The following TTI1 variants were observed in gnomAD, a reference collection of about 807,000 sequenced individuals.
TTI1 encodes TELO2 interacting protein 1.
A neutral mutation model predicts 85.4 loss-of-function variants in TTI1; 52 were observed. The observed-to-expected ratio is 0.61, with a 90% CI of 0.49 to 0.77. The LOEUF (loss-of-function observed/expected upper bound fraction) is 0.77, where lower values mean the gene tolerates loss of function less well. Among genes scored for constraint, TTI1 ranks in the 30% least tolerant of loss-of-function variants. The pLI is 0.00. For synonymous variants in TTI1, 512 were observed against 503.9 expected, an observed-to-expected ratio of 1.02 and a Z score of -0.22; for missense variants, 1,173 against 1,296.0, an observed-to-expected ratio of 0.91 and a Z score of 1.46.
At chr20:37,987,539 GCA>G (rs2073208013) in intron 7 of TTI1, 2 of 365,068 alleles carry the variant, frequency 5.5e-6, no homozygotes, top group African/African-American at 2.1e-5. Flanking sequence ...GCTCCAGAGA[GCA>G]CAGTTATCAA....
intron 1 of TTI1, among the ~76,000 whole-genome samples, chr20:38,021,066 A>C (rs1022088525): frequency 2.6e-5 from 4 of 152,226 alleles, no homozygotes; most frequent in Non-Finnish European, 5.9e-5. Context: ...TACTATACAC[A>C]ATCACCCTAA....
intron 7 of TTI1, among the ~76,000 whole-genome samples, chr20:37,989,873 CCTT>C (rs1348171362): frequency 6.6e-6 from 1 of 152,230 alleles, no homozygotes; most frequent in African/African-American, 2.4e-5. Flanking sequence ...TAGGAAATGT[CCTT>C]CTGTATTTAC....
Position 38,012,224 on chromosome 20 carries a change from T to C in TTI1, c.1593A>G (p.Thr531=). ...QAAMILNELV[T]GAAGLEVEDL... is the part of the protein sequence containing the mutation. ...CCTCAACCTCCAGCCCAGCAGCCCC[T>C]GTAACCAGTTCATTAAGGATCATGG... The change falls in exon 2 of 8, where the codon ACA becomes ACG. Residue 531 remains threonine (T), a synonymous_variant. Coordinates refer to ENST00000373447, the MANE Select transcript of TTI1 (RefSeq NM_001303457.2). 6.2e-7 allele frequency: 1 copy of C among 1,614,210 alleles called. No individual in the cohort carries two copies. Among genetic ancestry groups the C allele is most frequent in the South Asian group, 1.1e-5 (1 of 91,084 alleles).
At chr20:37,993,980 C>T (rs781310044) in intron 7 of TTI1, among the ~76,000 whole-genome samples, 16 of 152,000 alleles carry the variant, frequency 1.1e-4, no homozygotes, top group Non-Finnish European at 2.2e-4. Context: ...TTGGAGGTGT[C>T]GTTTTGAGAG....
At chr20:37,987,891 T>G (rs1427076036) in intron 7 of TTI1, among the ~76,000 whole-genome samples, 1 of 152,212 alleles carries the variant, frequency 6.6e-6, no homozygotes, top group African/African-American at 2.4e-5. Flanking sequence ...AAGTGGCTCC[T>G]TCCTTCGTGA....
chr20:37,989,707 T>C (rs75627825), intron 7 of TTI1, among the ~76,000 whole-genome samples: 4,756 of 152,332 alleles, frequency 0.031, 236 homozygotes, highest in African/African-American at 0.11. Context: ...CATTGTTTCC[T>C]GCCCCTCCCT....
chr20:38,010,493 C>CA (rs1266346822), intron 2 of TTI1, among the ~76,000 whole-genome samples: 26 of 106,724 alleles, frequency 2.4e-4, no homozygotes, highest in African/African-American at 9.5e-4. Flanking sequence ...TTTTTTGAGA[C>CA]AGAGTCTCAC....
intron 1 of TTI1, among the ~76,000 whole-genome samples, chr20:38,022,945 A>C (rs1288256899): frequency 6.6e-6 from 1 of 152,202 alleles, no homozygotes; most frequent in Non-Finnish European, 1.5e-5. Flanking sequence ...AATATAAAAT[A>C]AACTTATGGA....
At chr20:37,992,759 T>C (rs1301626336) in intron 7 of TTI1, among the ~76,000 whole-genome samples, 1 of 152,160 alleles carries the variant, frequency 6.6e-6, no homozygotes, top group Non-Finnish European at 1.5e-5. Context: ...AGTACATGTA[T>C]GGACTTGAAG....
At chr20:38,021,096 C>T (rs1282134697) in intron 1 of TTI1, among the ~76,000 whole-genome samples, 1 of 152,162 alleles carries the variant, frequency 6.6e-6, no homozygotes, top group African/African-American at 2.4e-5. Context: ...TACCTCAATG[C>T]CTATCTGTAG....
chr20:37,992,749 A>T (rs979401883), intron 7 of TTI1, among the ~76,000 whole-genome samples: 3 of 152,218 alleles, frequency 2.0e-5, no homozygotes, highest in African/African-American at 7.2e-5. Flanking sequence ...AACTAGGCTA[A>T]GTACATGTAT....
chr20:38,011,806 C>T lies in TTI1; in HGVS notation c.2011G>A (p.Ala671Thr), dbSNP rs754058600. 1.2e-6 allele frequency: 2 copies of T among 1,614,094 alleles called. No individual in the cohort carries two copies. Among genetic ancestry groups the T allele is most frequent in the Non-Finnish European group, 1.7e-6 (2 of 1,180,044 alleles). ...CAAACGTCCATCATGGTGCTGGTAG[C>T]CACCTGACTAATGAGTAGGGTTTGG... ...GDQTLLISQV[A>T]TSTMMDVCRA... The change falls in exon 2 of 8, where the codon GCT (alanine) becomes ACT (threonine). Residue 671 changes from alanine (A) to threonine (T), a missense_variant. Physicochemically the swap from Ala to Thr is moderately conservative, Grantham distance 58 (BLOSUM62 0). Transcript: ENST00000373447.
At chr20:38,017,228 T>C (rs1281354997) in intron 1 of TTI1, among the ~76,000 whole-genome samples, 3 of 152,206 alleles carry the variant, frequency 2.0e-5, no homozygotes, top group Non-Finnish European at 4.4e-5. Flanking sequence ...CTGTACAGAT[T>C]CTGCTTCCAA....
chr20:38,020,323 A>AAAAAAAAAAATATATATAT, intron 1 of TTI1, among the ~76,000 whole-genome samples: 3 of 50,386 alleles, frequency 6.0e-5, no homozygotes, highest in African/African-American at 2.7e-4. Flanking sequence ...AAAAAAAAAA[A>AAAAAAAAAAATATATATAT]ATATATATAT....
intron 2 of TTI1, among the ~76,000 whole-genome samples, chr20:38,008,786 C>T (rs759359158): frequency 6.6e-6 from 1 of 152,224 alleles, no homozygotes; most frequent in Non-Finnish European, 1.5e-5. Flanking sequence ...AAAGGTACTA[C>T]TCTGATTTAT....
At chr20:38,002,880 A>T in intron 3 of TTI1, 104 bp from the exon 4 acceptor site, 2 of 1,498,220 alleles carry the variant, frequency 1.3e-6, no homozygotes, top group Admixed American at 1.8e-5. Flanking sequence ...ATTTGGTTAC[A>T]GCAGCACAAA....
At chr20:37,991,873 G>A (rs146368828) in intron 7 of TTI1, among the ~76,000 whole-genome samples, 3 of 152,238 alleles carry the variant, frequency 2.0e-5, no homozygotes, top group African/African-American at 7.2e-5. Flanking sequence ...ACATACTAAC[G>A]TGATTCATCC....
chr20:38,032,565 C>A (rs1403870243), intron 1 of TTI1, among the ~76,000 whole-genome samples: 1 of 152,118 alleles, frequency 6.6e-6, no homozygotes, highest in Non-Finnish European at 1.5e-5. Context: ...AAAATAGGGT[C>A]AAGGTTTAGA....
chr20:37,993,347 C>A (rs1010276709), intron 7 of TTI1, among the ~76,000 whole-genome samples: 2 of 152,158 alleles, frequency 1.3e-5, no homozygotes, highest in Middle Eastern at 3.4e-3. Context: ...GATCAATGTC[C>A]ATTTCTAGAG....
Sources: allele counts gnomAD v4.1 joint callset (sites outside exome capture counted in the v4.1 genomes callset), GRCh38; gene constraint gnomAD v4.1.1; transcripts MANE v1.5; gene names NCBI Gene and HGNC (gene_info 2026-07-23, HGNC 2026-07-21).